Variants in ACBD6 observed in about 807,000 individuals in gnomAD.
ACBD6 encodes acyl-CoA binding domain containing 6.
ACBD6 carries 28 observed loss-of-function variants against 37.2 expected under a neutral mutation model. That is an observed-to-expected ratio of 0.75 (90% CI 0.56 to 1.03). The LOEUF is 1.03. Among genes scored for constraint, ACBD6 ranks in the 50% least tolerant of loss-of-function variants. ACBD6 has a pLI of 0.00. For synonymous variants in ACBD6, 113 were observed against 126.8 expected, an observed-to-expected ratio of 0.89 and a Z score of 0.73; for missense variants, 340 against 337.4, an observed-to-expected ratio of 1.01 and a Z score of -0.06.
chr1:180,423,182 T>C (rs939865752), intron 4 of ACBD6, among the ~76,000 whole-genome samples: 2 of 152,232 alleles, frequency 1.3e-5, no homozygotes, highest in Non-Finnish European at 2.9e-5. Context: ...CATCTGCAAG[T>C]GTTTTCAAAT....
intron 4 of ACBD6, among the ~76,000 whole-genome samples, chr1:180,426,812 A>AT (rs1420528498): frequency 6.6e-6 from 1 of 152,198 alleles, no homozygotes; most frequent in African/African-American, 2.4e-5. Flanking sequence ...ATCAAGTGAG[A>AT]TAAGTACTAT....
At chr1:180,322,540 T>C (rs149909806) in intron 6 of ACBD6, among the ~76,000 whole-genome samples, 1 of 152,186 alleles carries the variant, frequency 6.6e-6, no homozygotes, top group East Asian at 1.9e-4. Flanking sequence ...TATGTGTTAC[T>C]GGTCTGTTAA....
chr1:180,485,333 A>C (rs746921356), intron 3 of ACBD6, among the ~76,000 whole-genome samples: 1 of 152,224 alleles, frequency 6.6e-6, no homozygotes, highest in Non-Finnish European at 1.5e-5. Context: ...AGGTATGCCC[A>C]AATCTTAATC....
exon 14 of ACBD6, chr1:180,271,706 G>GC: frequency 7.9e-7 from 1 of 1,268,078 alleles, no homozygotes; most frequent in African/African-American, 1.5e-5. Context: ...GGGGTGGGGC[G>GC]CATCGCACTC....
intron 6 of ACBD6, among the ~76,000 whole-genome samples, chr1:180,394,850 C>T (rs906146921): frequency 2.0e-5 from 3 of 151,816 alleles, no homozygotes; most frequent in Non-Finnish European, 4.4e-5. Flanking sequence ...ATAAAAACCA[C>T]GAAATAATGA....
At chr1:180,286,689 T>C (rs1460700139), downstream of ACBD6, among the ~76,000 whole-genome samples, 7 of 152,236 alleles carry the variant, frequency 4.6e-5, no homozygotes, top group Non-Finnish European at 1.0e-4. Flanking sequence ...TATGTACTAA[T>C]ATGCATATCA....
chr1:180,404,789 T>A (rs1277461380), intron 5 of ACBD6, among the ~76,000 whole-genome samples: 2 of 152,202 alleles, frequency 1.3e-5, no homozygotes, highest in East Asian at 3.8e-4. Context: ...CAGAGAACTG[T>A]AGATTTAAAA....
intron 7 of ACBD6, among the ~76,000 whole-genome samples, chr1:180,298,806 C>A (rs1650017195): frequency 6.6e-6 from 1 of 152,192 alleles, no homozygotes; most frequent in Non-Finnish European, 1.5e-5. Context: ...TATGCAAAGA[C>A]AGACTTACAT....
At chr1:180,369,080 GA>G (rs1377887863) in intron 6 of ACBD6, among the ~76,000 whole-genome samples, 1 of 152,168 alleles carries the variant, frequency 6.6e-6, no homozygotes, top group Non-Finnish European at 1.5e-5. Flanking sequence ...ATGTTCAAAG[GA>G]AGAAAACCTT....
intron 4 of ACBD6, among the ~76,000 whole-genome samples, chr1:180,415,353 T>C (rs1363376413): frequency 2.7e-5 from 4 of 149,916 alleles, no homozygotes; most frequent in Admixed American, 6.7e-5. Flanking sequence ...GCCGAGATCA[T>C]ACCACAGCAC....
At chr1:180,435,144 A>C (rs1648971870) in intron 3 of ACBD6, 1 of 713,326 alleles carries the variant, frequency 1.4e-6, no homozygotes, top group African/African-American at 1.7e-5. Flanking sequence ...GACAGGGTAC[A>C]AGCAGAAGCA....
At chr1:180,307,363 GT>G (rs1329775006) in intron 7 of ACBD6, among the ~76,000 whole-genome samples, 1 of 152,168 alleles carries the variant, frequency 6.6e-6, no homozygotes, top group Non-Finnish European at 1.5e-5. Context: ...GCTGGGAAGG[GT>G]TGTAGGGACA....
At chr1:180,322,476 A>T (rs1266510841) in intron 6 of ACBD6, among the ~76,000 whole-genome samples, 1 of 152,088 alleles carries the variant, frequency 6.6e-6, no homozygotes, top group Admixed American at 6.6e-5. Flanking sequence ...CAGTGAAGCC[A>T]CGAGGTCCTA....
rs756554534 is a variant in ACBD6 at position 180,288,476 on chromosome 1, G to C, written c.736C>G (p.Gln246Glu). 3.7e-6 allele frequency: 6 copies of C among 1,613,716 alleles called. No individual in the cohort carries two copies. Among genetic ancestry groups the C allele is most frequent in the Non-Finnish European group, 5.1e-6 (6 of 1,179,924 alleles). Reference protein sequence around the residue: ...EFLDIVELLLQSGADPTLRDQ... With the variant: ...EFLDIVELLLESGADPTLRDQ... ...CGGAGAGTGGGGTCAGCACCAGACTGGAGCAGCAGCTCTACAATATCCAGA... is the reference window on the plus strand; with the variant it reads ...CGGAGAGTGGGGTCAGCACCAGACTCGAGCAGCAGCTCTACAATATCCAGA... Residue 246 changes from glutamine (Q) to glutamate (E), a missense_variant, in exon 8 of 8, where the codon CAG (glutamine) becomes GAG (glutamate). Physicochemically the swap from Gln to Glu is conservative, Grantham distance 29. Transcript: ENST00000367595.
At chr1:180,423,280 T>C (rs996600616) in intron 4 of ACBD6, among the ~76,000 whole-genome samples, 4 of 152,228 alleles carry the variant, frequency 2.6e-5, no homozygotes, top group African/African-American at 4.8e-5. Flanking sequence ...CCTGTGTTTT[T>C]TGAGCAGAAA....
At chr1:180,357,425 A>T (rs2101899412) in intron 6 of ACBD6, among the ~76,000 whole-genome samples, 1 of 152,328 alleles carries the variant, frequency 6.6e-6, no homozygotes, top group East Asian at 1.9e-4. Context: ...AGCACAAGCA[A>T]AAGTTATTGT....
chr1:180,320,482 T>C (rs559087908), intron 6 of ACBD6, among the ~76,000 whole-genome samples: 1 of 151,658 alleles, frequency 6.6e-6, no homozygotes, highest in African/African-American at 2.4e-5. Flanking sequence ...TTAAAAAATA[T>C]AAAAAAATTA....
At chr1:180,438,420 G>A (rs1649143163) in intron 3 of ACBD6, 1 of 152,792 alleles carries the variant, frequency 6.5e-6, no homozygotes, top group Non-Finnish European at 1.5e-5. Context: ...TTGTTCATGA[G>A]ACAATCATAG....
intron 3 of ACBD6, among the ~76,000 whole-genome samples, chr1:180,487,945 A>G (rs543505093): frequency 1.3e-5 from 2 of 152,312 alleles, no homozygotes; most frequent in South Asian, 4.1e-4. Context: ...AGTTTCAGGT[A>G]CTCACTGGGG....
Sources: gnomAD v4.1 joint callset for allele counts (sites outside exome capture counted in the v4.1 genomes callset) on GRCh38, gnomAD v4.1.1 for gene constraint, MANE v1.5 for transcripts, NCBI Gene and HGNC (gene_info 2026-07-23, HGNC 2026-07-21) for gene names.